The following SUN1 variants were observed in gnomAD, a reference collection of about 807,000 sequenced individuals.
The protein encoded by SUN1 is Sad1 and UNC84 domain containing 1.
In SUN1, 61 loss-of-function variants were observed where a neutral mutation model predicts 103.2. That is an observed-to-expected ratio of 0.59 (90% CI 0.48 to 0.73). The LOEUF (loss-of-function observed/expected upper bound fraction) is 0.73, where lower values mean the gene tolerates loss of function less well. Ranked by LOEUF, SUN1 falls within the 30% of genes least tolerant of loss-of-function variation. The pLI is 0.00. For missense variants in SUN1, 1,052 were observed against 1,034.6 expected, an observed-to-expected ratio of 1.02 and a Z score of -0.23; for synonymous variants, 490 against 425.7, an observed-to-expected ratio of 1.15 and a Z score of -1.86.
intron 11 of SUN1, among the ~76,000 whole-genome samples, chr7:855,677 G>T (rs1399530136): frequency 1.3e-5 from 2 of 152,238 alleles, no homozygotes; most frequent in Non-Finnish European, 2.9e-5. Context: ...AGGTTTACCT[G>T]GGAGGGAGAG....
intron 1 of SUN1, among the ~76,000 whole-genome samples, chr7:836,451 G>A (rs1279129904): frequency 6.6e-6 from 1 of 152,232 alleles, no homozygotes; most frequent in African/African-American, 2.4e-5. Context: ...GAGACTCAGG[G>A]CAGCCGATGG....
At chr7:853,160 T>C in intron 9 of SUN1, 1 of 789,524 alleles carries the variant, frequency 1.3e-6, no homozygotes, top group Non-Finnish European at 1.9e-6. Context: ...CAGTTAGTTT[T>C]AATTTTAAAA....
chr7:829,717 G>A (rs549218525), upstream of SUN1, among the ~76,000 whole-genome samples: 1 of 152,168 alleles, frequency 6.6e-6, no homozygotes, highest in African/African-American at 2.4e-5. Context: ...ACCAAGCCCA[G>A]CTAACTTTTT....
chr7:817,408 CTGG>C (rs1562448239), intron 1 of SUN1: 1 of 1,535,534 alleles, frequency 6.5e-7, no homozygotes, highest in Non-Finnish European at 8.7e-7. Context: ...AGAATGGTGT[CTGG>C]TGCAAAATAA....
chr7:870,994 G>A (rs772534761), intron 17 of SUN1, among the ~76,000 whole-genome samples: 8 of 149,596 alleles, frequency 5.3e-5, no homozygotes, highest in Admixed American at 4.7e-4. Context: ...GGGTTCAAGC[G>A]ATTCTCCTGC....
At position 861,679 on chromosome 7, in the gene SUN1, G is replaced by A. The variant is rs1007725104; in HGVS notation, c.1864+215G>A. ...ACAAGTTCTCCCCTGGAAGGGCTGGGGGTGCATGCTTGTGGCTAAGTCGAG... is the reference window on the plus strand; with the variant it reads ...ACAAGTTCTCCCCTGGAAGGGCTGGAGGTGCATGCTTGTGGCTAAGTCGAG... On this transcript the variant is annotated intron_variant, in intron 15 of 18. Coordinates refer to ENST00000401592, the MANE Select transcript of SUN1 (RefSeq NM_001130965.3). 2.0e-5 allele frequency among the ~76,000 whole-genome samples: 3 copies of A among 152,194 alleles called. No homozygotes were observed. In the South Asian group the frequency reaches 6.2e-4, roughly 31 times the overall value.
intron 11 of SUN1, 49 bp from the exon 12 acceptor site, chr7:856,309 T>C (rs554943070): frequency 6.3e-7 from 1 of 1,577,934 alleles, no homozygotes; most frequent in African/African-American, 1.4e-5. Context: ...TTATGAAAAG[T>C]TAATATATAA....
At chr7:849,834 T>A in intron 5 of SUN1, 1 of 1,383,582 alleles carries the variant, frequency 7.2e-7, no homozygotes, top group Non-Finnish European at 1.0e-6. Flanking sequence ...TTTCCCAGTT[T>A]CTACAGACTG....
At chr7:821,251 C>T (rs1045153232) in intron 1 of SUN1, among the ~76,000 whole-genome samples, 6 of 141,390 alleles carry the variant, frequency 4.2e-5, no homozygotes, top group Non-Finnish European at 7.5e-5. Flanking sequence ...CTCACTGCAA[C>T]CTCTGCCTCC....
At position 842,181 on chromosome 7, in the gene SUN1, C is replaced by T. The variant is rs1045258232; in HGVS notation, c.451+51C>T. The T allele has an allele frequency of 1.9e-6, 3 of 1,587,088 alleles. No individual in the cohort carries two copies. In the African/African-American group the frequency reaches 4.0e-5, roughly 21 times the overall value. On this transcript the variant is annotated intron_variant, in intron 3 of 18. Coordinates refer to ENST00000401592, the MANE Select transcript of SUN1 (RefSeq NM_001130965.3). Reference sequence around the variant, plus strand: ...TCCCGCCTACAGTTGGGGTGTTTCTCAGATTATGCTGGGGAGAGGGGAGGC... The same window carrying T: ...TCCCGCCTACAGTTGGGGTGTTTCTTAGATTATGCTGGGGAGAGGGGAGGC...
Position 872,517 on chromosome 7 carries a change from C to T in SUN1, c.2196C>T (p.Phe732=). 6.2e-7 allele frequency: 1 copy of T among 1,603,444 alleles called. No homozygotes were observed. The highest frequency in any genetic ancestry group is 1.3e-5 in the African/African-American group (1 of 74,914). Residue 732 remains phenylalanine, a synonymous_variant, in exon 18 of 19, where the codon TTC becomes TTT. Transcript: ENST00000401592. ...YQEEGQLLGQ[F]TYDQDGESLQ... is the part of the protein sequence containing the mutation. ...AAGAAGGGCAGCTTCTGGGACAGTTCACGTATGATCAGGATGGGGAGTCGC... is the reference window on the plus strand; with the variant it reads ...AAGAAGGGCAGCTTCTGGGACAGTTTACGTATGATCAGGATGGGGAGTCGC...
chr7:839,199 T>C (rs1280746558), intron 2 of SUN1: 1 of 472,090 alleles, frequency 2.1e-6, no homozygotes, highest in Non-Finnish European at 3.6e-6. Flanking sequence ...GCTTGTCTAG[T>C]ATTGATGTTC....
chr7:850,313 C>T, intron 5 of SUN1: 1 of 400,510 alleles, frequency 2.5e-6, no homozygotes, highest in East Asian at 5.4e-5. Context: ...ATTCTCCTGC[C>T]ACAGCCTCCT....
chr7:820,790 A>G (rs896590573), intron 1 of SUN1, among the ~76,000 whole-genome samples: 1 of 152,206 alleles, frequency 6.6e-6, no homozygotes, highest in Non-Finnish European at 1.5e-5. Flanking sequence ...TTCTGCACCA[A>G]TTGAGATGAT....
chr7:823,240 C>T (rs1391767580), intron 1 of SUN1, among the ~76,000 whole-genome samples: 2 of 152,194 alleles, frequency 1.3e-5, no homozygotes, highest in South Asian at 2.1e-4. Flanking sequence ...GTTCAAGGGC[C>T]GCTTGGAGAG....
At position 874,365 on chromosome 7, in the gene SUN1, T is replaced by C. The variant is rs914078301; in HGVS notation, c.*1034T>C. 6 of 151,978 alleles carry C rather than the reference T, an allele frequency of 3.9e-5. No homozygotes were observed. Among genetic ancestry groups the C allele is most frequent in the Admixed American group, 1.3e-4 (2 of 15,232 alleles). The allele number at this position is 151,978 out of a possible 1,614,324, so 9.4% of individuals were successfully genotyped here. A position where few individuals can be genotyped will look rare whatever the true frequency, so the allele number is the denominator to read the frequency against. On this transcript the variant is annotated 3_prime_UTR_variant, in exon 19 of 19. Coordinates refer to ENST00000401592, the MANE Select transcript of SUN1 (RefSeq NM_001130965.3). ...TTTGGTTATAATTACTATTTAATAT[T>C]TAGACTATTTTACTGAGCAGACTTT...
At chr7:851,310 G>A (rs117776197) in intron 5 of SUN1, 74 bp from the exon 6 acceptor site, 1,024 of 1,326,150 alleles carry the variant, frequency 7.7e-4, no homozygotes, top group Non-Finnish European at 9.3e-4. Flanking sequence ...TGGCTTGGGC[G>A]TCCCCACCGT....
Position 866,000 on chromosome 7 carries a change from C to G in SUN1, c.1913C>G (p.Thr638Arg), listed in dbSNP as rs539468692. The G allele has an allele frequency of 1.6e-5, 26 of 1,614,152 alleles. No individual in the cohort carries two copies. Among genetic ancestry groups the G allele is most frequent in the Non-Finnish European group, 2.2e-5 (26 of 1,180,024 alleles). The stretch of plus-strand genomic sequence containing the variant: ...TGTTCTGAAACTTACGAAACCAAAA[C>G]GGCGCTGATGAGTCTGTTTGGGATC... ...TRCSETYETK[T>R]ALMSLFGIPL... The change falls in exon 16 of 19, where the codon ACG (threonine) becomes AGG (arginine). Residue 638 changes from threonine to arginine, a missense_variant. Physicochemically the swap from Thr to Arg is moderately conservative, Grantham distance 71. This residue lies in a region of SUN1 where 206 missense variants were observed against 260.1 expected (regional missense o/e 0.79). Coordinates refer to ENST00000401592, the MANE Select transcript of SUN1 (RefSeq NM_001130965.3).
chr7:873,185 A>T, intron 18 of SUN1, 30 bp from the exon 19 acceptor site: 2 of 1,591,696 alleles, frequency 1.3e-6, no homozygotes, highest in South Asian at 2.2e-5. Flanking sequence ...TATGAAATAC[A>T]TGTGTGTGTT....
Sources: allele counts gnomAD v4.1 joint callset (sites outside exome capture counted in the v4.1 genomes callset), GRCh38; gene constraint gnomAD v4.1.1; regional missense constraint gnomAD v4.1.1; transcripts MANE v1.5; gene names NCBI Gene and HGNC (gene_info 2026-07-23, HGNC 2026-07-21).